The following CD74 variants were observed in gnomAD, a reference collection of about 807,000 sequenced individuals.
The protein encoded by CD74 is CD74 molecule, also known as HLA class II histocompatibility antigen gamma chain.
Under a neutral mutation model 37.1 loss-of-function variants are expected in CD74, and 20 were observed. The observed-to-expected ratio is 0.54, with a 90% CI of 0.38 to 0.78. The LOEUF is 0.78. CD74 is among the 30% of genes least tolerant of loss of function. The pLI is 0.00. For synonymous variants in CD74, 150 were observed against 152.0 expected (o/e 0.99, Z 0.10); for missense variants, 338 against 389.5 (o/e 0.87, Z 1.11).
intron 1 of CD74, among the ~76,000 whole-genome samples, chr5:150,408,935 C>T (rs751885116): frequency 3.9e-5 from 6 of 152,154 alleles, no homozygotes; most frequent in Non-Finnish European, 7.4e-5. Context: ...AAGCCCCTCA[C>T]CAGGCTGGGT....
Position 150,404,692 on chromosome 5 carries a change from C to A in CD74, c.613G>T (p.Ala205Ser), listed in dbSNP as rs754549674. ...RHSLEQKPTD[A>S]PPKVLTKCQE... is the part of the protein sequence containing the mutation. ...CCACTCCCTGTACCTTTCGGTGGAGCGTCAGTGGGCTTTTGCTCCAAGGAG... is the reference window on the plus strand; with the variant it reads ...CCACTCCCTGTACCTTTCGGTGGAGAGTCAGTGGGCTTTTGCTCCAAGGAG... Residue 205 changes from alanine to serine, a missense_variant, in exon 6 of 9, where the codon GCT becomes TCT. Physicochemically the swap from Ala to Ser is moderately conservative, Grantham distance 99. Coordinates refer to ENST00000009530, the MANE Select transcript of CD74 (RefSeq NM_001025159.3). 6.3e-7 allele frequency: 1 copy of A among 1,576,522 alleles called. No individual in the cohort carries two copies. The highest frequency in any genetic ancestry group is 8.6e-7 in the Non-Finnish European group (1 of 1,159,868).
chr5:150,406,621 A>G, intron 3 of CD74: 1 of 587,796 alleles, frequency 1.7e-6, no homozygotes. Context: ...GGGAGAGGAC[A>G]GTGAGATGCT....
At chr5:150,408,227 G>C (rs935007450) in intron 1 of CD74, among the ~76,000 whole-genome samples, 10 of 152,124 alleles carry the variant, frequency 6.6e-5, no homozygotes, top group Admixed American at 4.6e-4. Flanking sequence ...AAGTGGGACC[G>C]GGACAGCAGA....
chr5:150,412,732 G>T lies in CD74; in HGVS notation c.18C>A (p.Ser6Arg). The T allele has an allele frequency of 6.2e-7, 1 of 1,614,026 alleles. No individual in the cohort carries two copies. Among genetic ancestry groups the T allele is most frequent in the Non-Finnish European group, 8.5e-7 (1 of 1,179,950 alleles). The change falls in exon 1 of 9, where the codon AGC (serine) becomes AGA (arginine). Residue 6 changes from serine (S) to arginine (R), a missense_variant. By Grantham distance (110) the Ser-to-Arg change is moderately radical. Coordinates refer to ENST00000009530, the MANE Select transcript of CD74 (RefSeq NM_001025159.3). The stretch of plus-strand genomic sequence containing the variant: ...GCTTCTGATCTTCCCGACAGCTCCT[G>T]CTTCTCCTCCTGTGCATCTGGGACC... MHRRRSRSCREDQKPV... is the reference protein window; with the variant it reads MHRRRRRSCREDQKPV...
Position 150,404,559 on chromosome 5 carries a change from A to T in CD74, c.625+121T>A, listed in dbSNP as rs1427810950. ...AGAAGTGAGAAAGAAGTGAGAGCTG[A>T]GAGGATGGGAGATTCCGCGGTGCTG... is the stretch of plus-strand genomic sequence containing the variant. On this transcript the variant is annotated intron_variant, in intron 6 of 8. Transcript: ENST00000009530. 20 of 626,034 alleles carry T rather than the reference A, an allele frequency of 3.2e-5. No individual in the cohort carries two copies. The East Asian group carries it at 5.5e-4, about 17-fold the overall frequency. The allele number at this position is 626,034 out of a possible 1,614,324, so 38.8% of individuals were successfully genotyped here.
rs1301489280 is a variant in CD74, at chr5:150,403,911, C to G, written c.626-599G>C. ...CCATTACAGTTTGGAATTGCACTTG[C>G]GATTCTGATTCTAGAGAAAAGCAAT... On this transcript the variant is annotated intron_variant, in intron 6 of 8. Coordinates refer to ENST00000009530, the MANE Select transcript of CD74 (RefSeq NM_001025159.3). The surrounding 1 kb of genome is among the most constrained non-coding windows in gnomAD (Gnocchi z 4.5). Among the ~76,000 whole-genome samples, 1 of 152,178 alleles carries G rather than the reference C, an allele frequency of 6.6e-6. No individual in the cohort carries two copies. Among genetic ancestry groups the G allele is most frequent in the African/African-American group, 2.4e-5 (1 of 41,446 alleles).
Position 150,403,043 on chromosome 5 carries a change from C to T in CD74, c.817+78G>A, listed in dbSNP as rs1296504805. 3 of 1,294,874 alleles carry T rather than the reference C, an allele frequency of 2.3e-6. No individual in the cohort carries two copies. The highest frequency in any genetic ancestry group is 1.3e-5 in the South Asian group (1 of 74,304). The allele number at this position is 1,294,874 out of a possible 1,614,324, so 80.2% of individuals were successfully genotyped here. A position where few individuals can be genotyped will look rare whatever the true frequency, so the allele number is the denominator to read the frequency against. On this transcript the variant is annotated intron_variant, in intron 7 of 8. Coordinates refer to ENST00000009530, the MANE Select transcript of CD74 (RefSeq NM_001025159.3). This position sits in a 1 kb window ranked among gnomAD's most constrained non-coding sequence, Gnocchi z 4.5. ...ATCCTGGGTGTCCTGGTCCCATGTG[C>T]TTCAGAGGGGACCTCTTGCCCCTCA...
chr5:150,402,288 C>G lies in CD74; in HGVS notation c.881-38G>C, dbSNP rs1372480603. 1 of 1,477,484 alleles carries G rather than the reference C, an allele frequency of 6.8e-7. No homozygotes were observed. The highest frequency in any genetic ancestry group is 1.2e-5 in the South Asian group (1 of 84,902). 91.5% of individuals were successfully genotyped at this position (1,477,484 alleles called of 1,614,324 possible). On this transcript the variant is annotated intron_variant, in intron 8 of 8. Coordinates refer to ENST00000009530, the MANE Select transcript of CD74 (RefSeq NM_001025159.3). This position sits in a 1 kb window ranked among gnomAD's most constrained non-coding sequence, Gnocchi z 4.2. ...GCAGCAGGTTGAGGTTGGGGTCACC[C>G]ATTTGTTGTCCCTGCCCCTTTCTAA...
chr5:150,402,688 G>A lies in CD74; in HGVS notation c.818-63C>T, dbSNP rs1581248207. 2.1e-6 allele frequency: 3 copies of A among 1,412,778 alleles called. No individual in the cohort carries two copies. In the East Asian group the frequency reaches 6.9e-5, roughly 32 times the overall value. The allele number at this position is 1,412,778 out of a possible 1,614,324, so 87.5% of individuals were successfully genotyped here. A position where few individuals can be genotyped will look rare whatever the true frequency, so the allele number is the denominator to read the frequency against. On this transcript the variant is annotated intron_variant, in intron 7 of 8. Transcript: ENST00000009530. This position sits in a 1 kb window ranked among gnomAD's most constrained non-coding sequence, Gnocchi z 4.2. The stretch of plus-strand genomic sequence containing the variant: ...GCAGCCTACCTGACCCAAGATGCCT[G>A]AGGGCAGTGCTTCCCACCTAGCCAC...
At chr5:150,409,554 G>A (rs1305014661) in intron 1 of CD74, among the ~76,000 whole-genome samples, 6 of 150,966 alleles carry the variant, frequency 4.0e-5, no homozygotes, top group Admixed American at 3.3e-4. Context: ...TTAGCCGGGC[G>A]TAGTGGTGGG....
At chr5:150,404,157 C>T (rs1769804523) in intron 6 of CD74, among the ~76,000 whole-genome samples, 2 of 152,176 alleles carry the variant, frequency 1.3e-5, no homozygotes, top group Non-Finnish European at 1.5e-5. Context: ...GGGAAGGGGA[C>T]TTGTCCAAAG....
intron 5 of CD74, 115 bp from the exon 6 acceptor site, chr5:150,404,882 G>C: frequency 7.2e-6 from 6 of 837,802 alleles, no homozygotes; most frequent in Non-Finnish European, 1.2e-5. Flanking sequence ...CCAACACCCG[G>C]GTCCAGCTGC....
At chr5:150,406,403 A>G in intron 3 of CD74, 82 bp from the exon 4 acceptor site, 1 of 1,095,358 alleles carries the variant, frequency 9.1e-7, no homozygotes, top group Non-Finnish European at 1.4e-6. Flanking sequence ...GCTGGGATCT[A>G]GGTAAGAGAC....
rs1254548026 is a variant in CD74, at chr5:150,403,731, T to C, written c.626-419A>G. Among the ~76,000 whole-genome samples the C allele has an allele frequency of 2.6e-5, 4 of 152,186 alleles. No individual in the cohort carries two copies. Among genetic ancestry groups the C allele is most frequent in the Non-Finnish European group, 5.9e-5 (4 of 68,034 alleles). Reference sequence around the variant, plus strand: ...AAAATTAGCTGGGCGTGGTGGCACATGCCTATAATCCCAGCTACTCGGGAG... The same window carrying C: ...AAAATTAGCTGGGCGTGGTGGCACACGCCTATAATCCCAGCTACTCGGGAG... On this transcript the variant is annotated intron_variant, in intron 6 of 8. Coordinates refer to ENST00000009530, the MANE Select transcript of CD74 (RefSeq NM_001025159.3). The surrounding 1 kb of genome is among the most constrained non-coding windows in gnomAD (Gnocchi z 4.5).
At chr5:150,405,330 A>T in intron 4 of CD74, 150 bp from the exon 5 acceptor site, 125 of 1,249,940 alleles carry the variant, frequency 1.0e-4, no homozygotes, top group Admixed American at 2.4e-4. Flanking sequence ...CCATGATGGG[A>T]GGGGAGGGGA....
rs1245782118 is a variant in CD74, at chr5:150,401,734, A to G, written c.*506T>C. On this transcript the variant is annotated 3_prime_UTR_variant, in exon 9 of 9. Transcript: ENST00000009530. ...AGGGAACTAGGGGTCGGCAGAAAGG[A>G]TTATGGGTGGAAAACATTGGCTCTT... 6.7e-6 allele frequency: 4 copies of G among 592,982 alleles called. No homozygotes were observed. The highest frequency in any genetic ancestry group is 1.9e-5 in the African/African-American group (1 of 53,730). 36.7% of individuals were successfully genotyped at this position (592,982 alleles called of 1,614,324 possible). A position where few individuals can be genotyped will look rare whatever the true frequency, so the allele number is the denominator to read the frequency against.
chr5:150,401,920 C>T lies in CD74; in HGVS notation c.*320G>A, dbSNP rs1161195683. On this transcript the variant is annotated 3_prime_UTR_variant, in exon 9 of 9. Coordinates refer to ENST00000009530, the MANE Select transcript of CD74 (RefSeq NM_001025159.3). Reference sequence around the variant, plus strand: ...CCCTTCTCCCTGTGCCTTCCCATCTCGTCCATGAGCCTAGGTCTTGGAGCC... The same window carrying T: ...CCCTTCTCCCTGTGCCTTCCCATCTTGTCCATGAGCCTAGGTCTTGGAGCC... 4.8e-6 allele frequency: 4 copies of T among 830,552 alleles called. No homozygotes were observed. Among genetic ancestry groups the T allele is most frequent in the Admixed American group, 2.0e-5 (1 of 50,128 alleles). 51.4% of individuals were successfully genotyped at this position (830,552 alleles called of 1,614,324 possible).
chr5:150,407,041 A>G lies in CD74; in HGVS notation c.299-81T>C, dbSNP rs1391848837. The G allele has an allele frequency of 2.0e-6, 3 of 1,536,320 alleles. No individual in the cohort carries two copies. Among genetic ancestry groups the G allele is most frequent in the African/African-American group, 1.4e-5 (1 of 72,752 alleles). On this transcript the variant is annotated intron_variant, in intron 2 of 8. Coordinates refer to ENST00000009530, the MANE Select transcript of CD74 (RefSeq NM_001025159.3). This position sits in a 1 kb window ranked among gnomAD's most constrained non-coding sequence, Gnocchi z 4.4. ...CAGACCCAGATGAGGAAGGGCTGGA[A>G]TTCCAAACCGGAGGGAGAGGACAGT...
chr5:150,402,116 G>A lies in CD74; in HGVS notation c.*124C>T. On this transcript the variant is annotated 3_prime_UTR_variant, in exon 9 of 9. Coordinates refer to ENST00000009530, the MANE Select transcript of CD74 (RefSeq NM_001025159.3). This position sits in a 1 kb window ranked among gnomAD's most constrained non-coding sequence, Gnocchi z 4.2. ...TTGTCCAAGGGTGACGAAAGAGCCA[G>A]GCACCAGGGTCTCATGGGATGAGGT... 1.3e-6 allele frequency: 2 copies of A among 1,548,408 alleles called. No individual in the cohort carries two copies. The highest frequency in any genetic ancestry group is 1.7e-4 in the Middle Eastern group (1 of 5,990).
Sources: gnomAD v4.1 joint callset for allele counts (sites outside exome capture counted in the v4.1 genomes callset) on GRCh38, gnomAD v4.1.1 for gene constraint, Gnocchi (gnomAD v3.1) non-coding constraint, MANE v1.5 for transcripts, NCBI Gene and HGNC (gene_info 2026-07-23, HGNC 2026-07-21) for gene names.